Variants in LRRC7 observed in about 807,000 individuals in gnomAD.
LRRC7 encodes the protein leucine rich repeat containing 7.
A neutral mutation model predicts 175.7 loss-of-function variants in LRRC7; 23 were observed. The ratio of observed to expected loss-of-function variants is 0.13; its 90% CI spans 0.09 to 0.19. LRRC7 has a LOEUF of 0.19. Ranked by LOEUF, LRRC7 falls within the 10% of genes least tolerant of loss-of-function variation. The pLI is 1.00. For missense variants in LRRC7, 1,354 were observed against 1,904.7 expected, an observed-to-expected ratio of 0.71 and a Z score of 5.38; for synonymous variants, 685 against 680.9, an observed-to-expected ratio of 1.01 and a Z score of -0.09.
chr1:69,737,090 C>T (rs1035297036), intron 2 of LRRC7, among the ~76,000 whole-genome samples: 4 of 152,094 alleles, frequency 2.6e-5, no homozygotes, highest in African/African-American at 9.7e-5. Context: ...TAAGAGTCTG[C>T]CTGCTTTGCA....
At chr1:69,789,741 C>G (rs536860932) in intron 3 of LRRC7, among the ~76,000 whole-genome samples, 1 of 152,120 alleles carries the variant, frequency 6.6e-6, no homozygotes, top group South Asian at 2.1e-4. Context: ...AGACACTGTA[C>G]CAGTCACTTT....
At chr1:70,105,042 C>A (rs530343393) in intron 25 of LRRC7, among the ~76,000 whole-genome samples, 1 of 152,120 alleles carries the variant, frequency 6.6e-6, no homozygotes, top group Non-Finnish European at 1.5e-5. Flanking sequence ...GCCTATTGTA[C>A]AGAGACCCCA....
intron 7 of LRRC7, among the ~76,000 whole-genome samples, chr1:69,857,662 T>G (rs1389270701): frequency 6.6e-6 from 1 of 152,070 alleles, no homozygotes; most frequent in Non-Finnish European, 1.5e-5. Flanking sequence ...GAAGAATCAA[T>G]ATCGTAAAAA....
chr1:69,700,136 G>T (rs1473967055), intron 2 of LRRC7, among the ~76,000 whole-genome samples: 1 of 152,096 alleles, frequency 6.6e-6, no homozygotes, highest in South Asian at 2.1e-4. Flanking sequence ...GGATCCAAAA[G>T]GTGTGGACCT....
chr1:69,922,741 G>A (rs920571650), intron 7 of LRRC7, among the ~76,000 whole-genome samples: 7 of 151,838 alleles, frequency 4.6e-5, no homozygotes, highest in African/African-American at 1.2e-4. Flanking sequence ...ATCTGTCAGC[G>A]GCTTTTGTCG....
chr1:69,700,566 A>G (rs1340059731), intron 2 of LRRC7, among the ~76,000 whole-genome samples: 1 of 152,188 alleles, frequency 6.6e-6, no homozygotes, highest in African/African-American at 2.4e-5. Context: ...ATTTCCATCT[A>G]CTGTGAGGCT....
chr1:69,768,768 G>T (rs1454633573), intron 3 of LRRC7, among the ~76,000 whole-genome samples: 1 of 152,252 alleles, frequency 6.6e-6, no homozygotes, highest in East Asian at 1.9e-4. Context: ...GATGACATGG[G>T]ATAGTTTATG....
At chr1:69,643,465 C>T (rs1026666223) in intron 1 of LRRC7, among the ~76,000 whole-genome samples, 6 of 152,132 alleles carry the variant, frequency 3.9e-5, no homozygotes, top group Non-Finnish European at 7.4e-5. Flanking sequence ...ACTCTTTTCT[C>T]CAAAAACAGA....
At chr1:69,876,220 A>G (rs150469088) in intron 7 of LRRC7, among the ~76,000 whole-genome samples, 18 of 152,260 alleles carry the variant, frequency 1.2e-4, no homozygotes, top group East Asian at 1.9e-4. Flanking sequence ...AATTTTGCCA[A>G]TTAAGGTTCC....
chr1:70,064,150 T>A (rs1661790121), intron 23 of LRRC7, among the ~76,000 whole-genome samples: 1 of 151,960 alleles, frequency 6.6e-6, no homozygotes, highest in Admixed American at 6.6e-5. Flanking sequence ...AGAAGGAACA[T>A]CTTCCTGCCC....
intron 26 of LRRC7, among the ~76,000 whole-genome samples, chr1:70,109,218 C>T (rs1280208373): frequency 6.6e-6 from 1 of 152,116 alleles, no homozygotes; most frequent in African/African-American, 2.4e-5. Context: ...GACAGGGTTT[C>T]TCCATGCTGG....
chr1:69,835,305 T>C (rs902720079), intron 6 of LRRC7, among the ~76,000 whole-genome samples: 2 of 151,666 alleles, frequency 1.3e-5, no homozygotes, highest in African/African-American at 4.8e-5. Flanking sequence ...ACTGAAAAAA[T>C]AGTTTCATTA....
At chr1:70,046,021 A>G (rs1342152379) in intron 22 of LRRC7, among the ~76,000 whole-genome samples, 1 of 152,088 alleles carries the variant, frequency 6.6e-6, no homozygotes, top group Non-Finnish European at 1.5e-5. Flanking sequence ...CTTTAAACTA[A>G]AAAAATTGAA....
intron 12 of LRRC7, 142 bp downstream of exon 12, chr1:70,012,068 T>G (rs905114088): frequency 2.2e-6 from 1 of 461,562 alleles, no homozygotes; most frequent in Non-Finnish European, 3.7e-6. Context: ...TATTTGCTAA[T>G]TATTCTATTT....
chr1:69,801,071 CTT>C (rs1676425275), intron 4 of LRRC7, among the ~76,000 whole-genome samples: 1 of 151,606 alleles, frequency 6.6e-6, no homozygotes, highest in Admixed American at 6.6e-5. Flanking sequence ...TCTTCACACA[CTT>C]TGAATAAAAC....
At chr1:69,923,221 T>G (rs1646949735) in intron 7 of LRRC7, among the ~76,000 whole-genome samples, 2 of 152,244 alleles carry the variant, frequency 1.3e-5, no homozygotes, top group South Asian at 4.1e-4. Context: ...CTATCATTGT[T>G]GGACATTTGG....
intron 22 of LRRC7, among the ~76,000 whole-genome samples, chr1:70,048,648 A>C (rs61782633): frequency 0.13 from 19,479 of 152,114 alleles, 1,709 homozygotes; most frequent in African/African-American, 0.24. Flanking sequence ...AAAAGAATAC[A>C]CAAGTAGAAT....
chr1:70,123,054 G>A lies in LRRC7; in HGVS notation c.*1167G>A, dbSNP rs1666291350. ...ATAAAATACTTTTTTTCCAAAAACA[G>A]TTTCAAGGTATGTAAAATCCTGAAT... is the stretch of plus-strand genomic sequence containing the variant. On this transcript the variant is annotated 3_prime_UTR_variant, in exon 27 of 27. Coordinates refer to ENST00000651989, the MANE Select transcript of LRRC7 (RefSeq NM_001370785.2). The A allele has an allele frequency of 6.6e-6, 1 of 152,440 alleles. No individual in the cohort carries two copies. Among genetic ancestry groups the A allele is most frequent in the South Asian group, 2.1e-4 (1 of 4,828 alleles). The allele number at this position is 152,440 out of a possible 1,614,324, so 9.4% of individuals were successfully genotyped here.
intron 24 of LRRC7, among the ~76,000 whole-genome samples, chr1:70,085,691 C>T (rs1266012361): frequency 2.0e-5 from 3 of 152,106 alleles, no homozygotes; most frequent in Non-Finnish European, 4.4e-5. Flanking sequence ...CAAGAATAAG[C>T]TTAAAGTAAA....
Sources: allele counts gnomAD v4.1 joint callset (sites outside exome capture counted in the v4.1 genomes callset), GRCh38; gene constraint gnomAD v4.1.1; transcripts MANE v1.5; gene names NCBI Gene and HGNC (gene_info 2026-07-23, HGNC 2026-07-21).